CLMN: variants seen among roughly 807,000 people sequenced by gnomAD.
CLMN encodes calmin, also known as calmin (calponin-like, transmembrane).
A neutral mutation model predicts 92.7 loss-of-function variants in CLMN; 57 were observed. That is an observed-to-expected ratio of 0.61 (90% CI 0.50 to 0.77). The LOEUF (loss-of-function observed/expected upper bound fraction) is 0.77, where lower values mean the gene tolerates loss of function less well. CLMN is among the 30% of genes least tolerant of loss of function. CLMN has a pLI of 0.00. For missense variants in CLMN, 1,158 were observed against 1,237.5 expected, an observed-to-expected ratio of 0.94 and a Z score of 0.96; for synonymous variants, 466 against 470.6, an observed-to-expected ratio of 0.99 and a Z score of 0.13.
chr14:95,285,060 C>T lies in CLMN; in HGVS notation c.82+34651G>A, dbSNP rs535776840. On this transcript the variant is annotated intron_variant, in intron 1 of 12. Transcript: ENST00000298912. ...ATCATGGGGGCCAGTCTTTCTCATGCTATTCTCATGGTAATGATTAAGTCT... is the reference window on the plus strand; with the variant it reads ...ATCATGGGGGCCAGTCTTTCTCATGTTATTCTCATGGTAATGATTAAGTCT... Among the ~76,000 whole-genome samples the T allele has an allele frequency of 2.0e-5, 3 of 152,232 alleles. 1 individual carries two copies. The South Asian group carries it at 6.2e-4, about 32-fold the overall frequency.
chr14:95,251,614 G>A (rs1898789284), intron 1 of CLMN, among the ~76,000 whole-genome samples: 2 of 152,186 alleles, frequency 1.3e-5, no homozygotes, highest in Admixed American at 1.3e-4. Context: ...TGTAGAGGAG[G>A]AAACTGAGGC....
intron 1 of CLMN, among the ~76,000 whole-genome samples, chr14:95,298,694 C>T (rs906941873): frequency 1.3e-5 from 2 of 152,182 alleles, no homozygotes; most frequent in African/African-American, 4.8e-5. Flanking sequence ...AAAAGAGGTA[C>T]ATCTATACCT....
chr14:95,292,584 C>T (rs1900618863), intron 1 of CLMN, among the ~76,000 whole-genome samples: 1 of 151,956 alleles, frequency 6.6e-6, no homozygotes, highest in Non-Finnish European at 1.5e-5. Context: ...AACTTCAGGT[C>T]AAAAGCCTAA....
intron 1 of CLMN, among the ~76,000 whole-genome samples, chr14:95,315,257 C>T (rs1347328355): frequency 2.6e-5 from 4 of 152,136 alleles, no homozygotes; most frequent in African/African-American, 7.2e-5. Flanking sequence ...TGGACTTCAT[C>T]CTGTAAGCCA....
rs1256541817 is a variant in CLMN at position 95,249,666 on chromosome 14, A to G, written c.83-19533T>C. On this transcript the variant is annotated intron_variant, in intron 1 of 12. Coordinates refer to ENST00000298912, the MANE Select transcript of CLMN (RefSeq NM_024734.4). Reference sequence around the variant, plus strand: ...GAGTGCAGTGGTGCGATCTCAGCTCACTGCAACCTCCGCCTTCCGGATTCA... The same window carrying G: ...GAGTGCAGTGGTGCGATCTCAGCTCGCTGCAACCTCCGCCTTCCGGATTCA... Among the ~76,000 whole-genome samples the G allele has an allele frequency of 3.3e-5, 5 of 151,630 alleles. No individual in the cohort carries two copies. In the East Asian group the frequency reaches 9.7e-4, roughly 29 times the overall value.
chr14:95,238,497 G>A (rs753073666), intron 1 of CLMN, among the ~76,000 whole-genome samples: 42 of 152,278 alleles, frequency 2.8e-4, no homozygotes, highest in Non-Finnish European at 5.6e-4. Flanking sequence ...TGTTTGCTCT[G>A]ACCCAAGTCC....
chr14:95,299,404 C>T (rs1900946036), intron 1 of CLMN, among the ~76,000 whole-genome samples: 1 of 152,162 alleles, frequency 6.6e-6, no homozygotes, highest in Non-Finnish European at 1.5e-5. Flanking sequence ...CTCCTCCAGC[C>T]CCACGGGACA....
At chr14:95,301,043 T>C (rs12894609) in intron 1 of CLMN, among the ~76,000 whole-genome samples, 35,413 of 152,258 alleles carry the variant, frequency 0.23, 4,692 homozygotes, top group Admixed American at 0.3. Context: ...TAATTTTCCA[T>C]GAAGTAACTT....
intron 4 of CLMN, among the ~76,000 whole-genome samples, chr14:95,221,305 CCTT>C (rs1897531896): frequency 6.6e-6 from 1 of 152,160 alleles, no homozygotes; most frequent in African/African-American, 2.4e-5. Context: ...CCCCTCTTCC[CCTT>C]CTTCTCCCAT....
intron 1 of CLMN, among the ~76,000 whole-genome samples, chr14:95,296,468 C>G (rs961684172): frequency 2.6e-5 from 4 of 152,236 alleles, no homozygotes; most frequent in African/African-American, 9.6e-5. Context: ...AGAATCAGAA[C>G]CTCTTGTTCT....
chr14:95,254,887 G>T (rs1898933061), intron 1 of CLMN, among the ~76,000 whole-genome samples: 1 of 152,110 alleles, frequency 6.6e-6, no homozygotes, highest in Non-Finnish European at 1.5e-5. Context: ...TAGAGACAGG[G>T]TCTCGCTATG....
intron 1 of CLMN, among the ~76,000 whole-genome samples, chr14:95,311,893 C>G (rs1010740726): frequency 6.6e-5 from 10 of 152,202 alleles, no homozygotes; most frequent in Admixed American, 2.6e-4. Flanking sequence ...TCTCTGGCCT[C>G]CTGGGTAGAC....
chr14:95,191,550 T>C lies in CLMN; in HGVS notation c.*14A>G, dbSNP rs778329876. The stretch of plus-strand genomic sequence containing the variant: ...GGTCAGGGTCCTGTCTTTTTTATTA[T>C]CCAGACACACGTATCAGAGCCTGCT... On this transcript the variant is annotated 3_prime_UTR_variant, in exon 13 of 13. Coordinates refer to ENST00000298912, the MANE Select transcript of CLMN (RefSeq NM_024734.4). The surrounding 1 kb of genome is among the most constrained non-coding windows in gnomAD (Gnocchi z 5.3). 1 of 1,604,142 alleles carries C rather than the reference T, an allele frequency of 6.2e-7. No homozygotes were observed. The highest frequency in any genetic ancestry group is 1.7e-5 in the Admixed American group (1 of 58,732).
At chr14:95,260,448 A>T (rs898317024) in intron 1 of CLMN, 1 of 152,190 alleles carries the variant, frequency 6.6e-6, no homozygotes, top group African/African-American at 2.4e-5. Flanking sequence ...TCTAAAAAAA[A>T]AAAAAAGAAT....
chr14:95,268,462 G>C (rs1899567255), intron 1 of CLMN, among the ~76,000 whole-genome samples: 2 of 151,936 alleles, frequency 1.3e-5, no homozygotes, highest in South Asian at 2.1e-4. Flanking sequence ...GAATTCTAGA[G>C]TTGGAAACTG....
At chr14:95,308,676 G>A (rs1444685754) in intron 1 of CLMN, among the ~76,000 whole-genome samples, 2 of 151,150 alleles carry the variant, frequency 1.3e-5, no homozygotes, top group Admixed American at 6.6e-5. Flanking sequence ...CCCCATGATC[G>A]CATCAGTGCC....
intron 3 of CLMN, chr14:95,222,582 C>T (rs1168323411): frequency 4.4e-6 from 2 of 455,792 alleles, no homozygotes; most frequent in East Asian, 6.9e-5. Flanking sequence ...AAGGACACAG[C>T]AGCTGGTGAC....
In CLMN at chr14:95,215,656, T is replaced by G; in HGVS notation, c.402A>C (p.Ile134=). ...PSLVLGLIWN[I]ILFFQIKELT... is the part of the protein sequence containing the mutation. ...ATGATCTTACCTGGAAGAAGAGGAT[T>G]ATGTTCCATATCAGCCCAAGAACCA... is the stretch of plus-strand genomic sequence containing the variant. Residue 134 remains isoleucine (I), a synonymous_variant, in exon 5 of 13, where the codon ATA becomes ATC. Transcript: ENST00000298912. The G allele has an allele frequency of 6.2e-7, 1 of 1,613,872 alleles. No individual in the cohort carries two copies.
At chr14:95,208,635 T>A (rs999505112) in intron 8 of CLMN, among the ~76,000 whole-genome samples, 1 of 152,228 alleles carries the variant, frequency 6.6e-6, no homozygotes, top group Non-Finnish European at 1.5e-5. Context: ...GTGACAGGCG[T>A]CAGTTTCCAT....
Sources: allele counts gnomAD v4.1 joint callset (sites outside exome capture counted in the v4.1 genomes callset), GRCh38; gene constraint gnomAD v4.1.1; non-coding constraint Gnocchi (gnomAD v3.1); transcripts MANE v1.5; gene names NCBI Gene and HGNC (gene_info 2026-07-23, HGNC 2026-07-21).